UNC13C: variants seen among roughly 807,000 people sequenced by gnomAD.
The protein encoded by UNC13C is protein unc-13 homolog C.
In UNC13C, 174 loss-of-function variants were observed where a neutral mutation model predicts 245.4. That is an observed-to-expected ratio of 0.71 (90% CI 0.63 to 0.80). The LOEUF (loss-of-function observed/expected upper bound fraction) is 0.80, where lower values mean the gene tolerates loss of function less well. UNC13C is among the 30% of genes least tolerant of loss of function. UNC13C has a pLI of 0.00. For missense variants in UNC13C, 2,829 were observed against 2,602.9 expected, an observed-to-expected ratio of 1.09 and a Z score of -1.89; for synonymous variants, 992 against 895.1, an observed-to-expected ratio of 1.11 and a Z score of -1.93.
chr15:54,215,092 A>G (rs1198604060), intron 4 of UNC13C, among the ~76,000 whole-genome samples: 3 of 151,864 alleles, frequency 2.0e-5, no homozygotes, highest in Non-Finnish European at 4.4e-5. Flanking sequence ...GGTATAGGTA[A>G]TTGCAAGCTC....
chr15:54,539,441 A>T (rs2141163845), intron 26 of UNC13C, among the ~76,000 whole-genome samples: 1 of 152,184 alleles, frequency 6.6e-6, no homozygotes, highest in South Asian at 2.1e-4. Flanking sequence ...TTAGTTAGTT[A>T]ATGTAGACTT....
rs191397502 is a variant in UNC13C, at chr15:54,472,454, C to T, written c.4934-22154C>T. Among the ~76,000 whole-genome samples, 338 of 151,858 alleles carry T rather than the reference C, an allele frequency of 2.2e-3. 1 individual carries two copies. Among genetic ancestry groups the T allele is most frequent in the Non-Finnish European group, 3.6e-3 (241 of 67,796 alleles). On this transcript the variant is annotated intron_variant, in intron 19 of 32. Transcript: ENST00000260323. ...TTTCATTAAAAAGTGCTTACTTTTA[C>T]CAGTAAGTTCTATACTTTTATATGT...
intron 2 of UNC13C, among the ~76,000 whole-genome samples, chr15:54,071,963 C>T (rs1446004621): frequency 3.9e-5 from 6 of 152,140 alleles, no homozygotes; most frequent in Admixed American, 6.6e-5. Flanking sequence ...CTTGTCTGGC[C>T]TTCCCAATCA....
chr15:53,939,025 A>G, the UNC13C span, among the ~76,000 whole-genome samples: 3 of 152,156 alleles, frequency 2.0e-5, no homozygotes. Context: ...GATAGAGCCA[A>G]GAAAAACTCT....
At chr15:54,598,139 C>T (rs543265190) in intron 30 of UNC13C, among the ~76,000 whole-genome samples, 11 of 152,286 alleles carry the variant, frequency 7.2e-5, no homozygotes, top group South Asian at 2.1e-4. Flanking sequence ...CTCGCTTTGT[C>T]GCCCACGCTG....
the UNC13C span, among the ~76,000 whole-genome samples, chr15:53,853,769 T>C: frequency 6.6e-6 from 1 of 152,216 alleles, no homozygotes; most frequent in Non-Finnish European, 1.5e-5. Context: ...TTTTCATACA[T>C]TTGTTGCCCA....
rs142157898 is a variant in UNC13C at position 54,177,171 on chromosome 15, G to A, written c.3071+33487G>A. Among the ~76,000 whole-genome samples, 120 of 152,202 alleles carry A rather than the reference G, an allele frequency of 7.9e-4. 4 individuals carry two copies. In the East Asian group the frequency reaches 0.021, roughly 26 times the overall value. On this transcript the variant is annotated intron_variant, in intron 4 of 32. Transcript: ENST00000260323. The stretch of plus-strand genomic sequence containing the variant: ...ATATAATTTTAGGACTATACCATGC[G>A]CATGTGTAGCAGGTAACACACTTAA...
In UNC13C at chr15:54,031,303, A is replaced by C. The variant is rs372356772; in HGVS notation, c.2983+15417A>C. Reference sequence around the variant, plus strand: ...CAGTGGCACGATCTCAGCTCACTGCAAGTTCCGCCTCCCGGGTTCACGCCA... The same window carrying C: ...CAGTGGCACGATCTCAGCTCACTGCCAGTTCCGCCTCCCGGGTTCACGCCA... On this transcript the variant is annotated intron_variant, in intron 2 of 32. Coordinates refer to ENST00000260323, the MANE Select transcript of UNC13C (RefSeq NM_001080534.3). Among the ~76,000 whole-genome samples the C allele has an allele frequency of 5.9e-5, 9 of 152,204 alleles. No individual in the cohort carries two copies. The East Asian group carries it at 1.4e-3, about 23-fold the overall frequency.
At chr15:54,128,120 A>G (rs188495200) in intron 2 of UNC13C, among the ~76,000 whole-genome samples, 26 of 152,178 alleles carry the variant, frequency 1.7e-4, no homozygotes, top group African/African-American at 5.8e-4. Flanking sequence ...ATACACCAAC[A>G]AGGTCCAGGT....
At chr15:53,880,984 T>A in the UNC13C span, among the ~76,000 whole-genome samples, 3 of 152,126 alleles carry the variant, frequency 2.0e-5, no homozygotes, top group Non-Finnish European at 4.4e-5. Context: ...GAATAAAATA[T>A]AAGCAACCCT....
chr15:54,383,299 C>A (rs1228422310), intron 17 of UNC13C, among the ~76,000 whole-genome samples: 3 of 152,060 alleles, frequency 2.0e-5, no homozygotes, highest in African/African-American at 7.2e-5. Context: ...GAAATACTAA[C>A]AAACTGAATG....
At chr15:54,031,093 T>C (rs1487249805) in intron 2 of UNC13C, among the ~76,000 whole-genome samples, 1 of 152,198 alleles carries the variant, frequency 6.6e-6, no homozygotes, top group Non-Finnish European at 1.5e-5. Context: ...CTGACCTTCC[T>C]TTCATTGCTT....
chr15:54,232,371 G>A (rs1311603452), intron 4 of UNC13C, among the ~76,000 whole-genome samples: 1 of 152,124 alleles, frequency 6.6e-6, no homozygotes, highest in Non-Finnish European at 1.5e-5. Context: ...ATTCTGCAGT[G>A]CTCATATTTG....
intron 4 of UNC13C, among the ~76,000 whole-genome samples, chr15:54,194,772 C>T (rs1160802358): frequency 6.6e-6 from 1 of 152,020 alleles, no homozygotes; most frequent in East Asian, 1.9e-4. Flanking sequence ...GCCAGACAGA[C>T]AGGTCTACAC....
chr15:54,162,020 A>G (rs985952571), intron 4 of UNC13C, among the ~76,000 whole-genome samples: 2 of 152,122 alleles, frequency 1.3e-5, no homozygotes, highest in African/African-American at 4.8e-5. Context: ...CTGAAGCACA[A>G]ATTTATGTTG....
chr15:53,965,539 CTTATTTA>C, the UNC13C span, among the ~76,000 whole-genome samples: 1 of 144,702 alleles, frequency 6.9e-6, no homozygotes, highest in African/African-American at 2.5e-5. Context: ...TTTTTTTTCC[CTTATTTA>C]TTTATTTATT....
intron 4 of UNC13C, among the ~76,000 whole-genome samples, chr15:54,216,488 G>A (rs1156653364): frequency 6.6e-6 from 1 of 151,838 alleles, no homozygotes; most frequent in East Asian, 1.9e-4. Context: ...GAAACTATGT[G>A]AAAACTTTTA....
At chr15:54,604,117 C>A (rs1002275401) in intron 30 of UNC13C, among the ~76,000 whole-genome samples, 1 of 152,110 alleles carries the variant, frequency 6.6e-6, no homozygotes. Flanking sequence ...ATGCCCATTT[C>A]TTTTTGGAGG....
intron 19 of UNC13C, among the ~76,000 whole-genome samples, chr15:54,419,364 A>G (rs1210430109): frequency 1.3e-5 from 2 of 152,154 alleles, no homozygotes; most frequent in Non-Finnish European, 2.9e-5. Flanking sequence ...CTTGTAGTAT[A>G]GGCAAATCTA....
Sources: gnomAD v4.1 joint callset for allele counts (sites outside exome capture counted in the v4.1 genomes callset) on GRCh38, gnomAD v4.1.1 for gene constraint, MANE v1.5 for transcripts, NCBI Gene and HGNC (gene_info 2026-07-23, HGNC 2026-07-21) for gene names.